The following SCD5 variants were observed in gnomAD, a reference collection of about 807,000 sequenced individuals.
SCD5 encodes the protein acyl-CoA-desaturase 4.
SCD5 carries 20 observed loss-of-function variants against 30.4 expected under a neutral mutation model. The observed-to-expected ratio is 0.66, with a 90% CI of 0.46 to 0.96. SCD5 has a LOEUF of 0.96. SCD5 is among the 40% of genes least tolerant of loss of function. The probability of loss-of-function intolerance (pLI) is 0.00; values close to 1 mark genes in which losing one functional copy is unlikely to be tolerated. For missense variants in SCD5, 381 were observed against 443.3 expected, an observed-to-expected ratio of 0.86 and a Z score of 1.26; for synonymous variants, 173 against 176.4, an observed-to-expected ratio of 0.98 and a Z score of 0.16.
intron 1 of SCD5, among the ~76,000 whole-genome samples, chr4:82,732,908 C>T: frequency 6.6e-6 from 1 of 152,108 alleles, no homozygotes; most frequent in Non-Finnish European, 1.5e-5. Context: ...ATTGGCACCA[C>T]CTGGAACTTG....
At chr4:82,796,973 G>C (rs1439105734) in intron 1 of SCD5, among the ~76,000 whole-genome samples, 1 of 152,134 alleles carries the variant, frequency 6.6e-6, no homozygotes, top group Non-Finnish European at 1.5e-5. Flanking sequence ...GACTTTAAAG[G>C]CTTTAGGGAT....
chr4:82,774,486 T>C (rs893247116), intron 1 of SCD5, among the ~76,000 whole-genome samples: 28 of 152,318 alleles, frequency 1.8e-4, no homozygotes, highest in African/African-American at 5.5e-4. Flanking sequence ...AATGGGGAGA[T>C]ACAAGTAACT....
intron 1 of SCD5, among the ~76,000 whole-genome samples, chr4:82,751,518 A>G (rs890226678): frequency 2.0e-5 from 3 of 152,256 alleles, no homozygotes; most frequent in African/African-American, 7.2e-5. Flanking sequence ...TATGTACATC[A>G]GTCAGGGAGG....
At chr4:82,666,539 A>AAG (rs907467089) in intron 3 of SCD5, among the ~76,000 whole-genome samples, 7 of 152,148 alleles carry the variant, frequency 4.6e-5, no homozygotes, top group Non-Finnish European at 1.0e-4. Context: ...GAAAGAAAGA[A>AAG]AGAAAATGTC....
chr4:82,797,275 G>A (rs1035834085), intron 1 of SCD5, among the ~76,000 whole-genome samples: 1 of 152,234 alleles, frequency 6.6e-6, no homozygotes, highest in African/African-American at 2.4e-5. Flanking sequence ...TCAGGGAAAC[G>A]GGAGCTGGAA....
intron 3 of SCD5, among the ~76,000 whole-genome samples, chr4:82,646,009 G>A (rs1727627434): frequency 6.6e-6 from 1 of 152,152 alleles, no homozygotes; most frequent in Non-Finnish European, 1.5e-5. Flanking sequence ...TCTTGAGAGT[G>A]AAATCTATTA....
intron 1 of SCD5, among the ~76,000 whole-genome samples, chr4:82,758,155 G>C (rs1721270810): frequency 6.6e-6 from 1 of 152,208 alleles, no homozygotes; most frequent in Non-Finnish European, 1.5e-5. Flanking sequence ...CCTGGGAGAG[G>C]GGGAGGCCCA....
At chr4:82,662,782 C>A (rs1377524568) in intron 3 of SCD5, among the ~76,000 whole-genome samples, 1 of 150,468 alleles carries the variant, frequency 6.6e-6, no homozygotes, top group Admixed American at 6.6e-5. Flanking sequence ...ATCTCTTGAA[C>A]CTGGGAGACG....
chr4:82,732,317 C>T (rs568797407), intron 1 of SCD5, among the ~76,000 whole-genome samples: 3 of 152,226 alleles, frequency 2.0e-5, no homozygotes, highest in East Asian at 1.9e-4. Context: ...CTCGAACTCC[C>T]GACCTCAAGT....
At chr4:82,723,208 A>G (rs1158827876) in intron 1 of SCD5, among the ~76,000 whole-genome samples, 2 of 151,972 alleles carry the variant, frequency 1.3e-5, no homozygotes, top group Admixed American at 6.6e-5. Flanking sequence ...TGGTCCTGGC[A>G]ATTTTTGGCA....
chr4:82,679,238 A>AAG lies in SCD5; in HGVS notation c.569+1467_569+1468dup, dbSNP rs1553915598. Among the ~76,000 whole-genome samples, 8 of 89,016 alleles carry AAG rather than the reference A, an allele frequency of 9.0e-5. 1 individual carries two copies. The South Asian group carries it at 3.2e-3, about 36-fold the overall frequency. The allele number at this position is 89,016 out of a possible 152,430, so 58.4% of individuals were successfully genotyped here. A position where few individuals can be genotyped will look rare whatever the true frequency, so the allele number is the denominator to read the frequency against. ...AAGAAAGAAAAGAAAGAAAGAAAGA[A>AAG]AGAAAGAAAGAAAGAAAGAAAGAAG... On this transcript the variant is annotated intron_variant, in intron 3 of 4. Coordinates refer to ENST00000319540, the MANE Select transcript of SCD5 (RefSeq NM_001037582.3).
At chr4:82,740,307 C>T (rs945484721) in intron 1 of SCD5, among the ~76,000 whole-genome samples, 3 of 152,206 alleles carry the variant, frequency 2.0e-5, no homozygotes, top group Non-Finnish European at 2.9e-5. Context: ...CCCAGCACCT[C>T]GCCTTGCTGT....
intron 4 of SCD5, 31 bp from the exon 5 acceptor site, chr4:82,631,548 C>T: frequency 6.2e-7 from 1 of 1,603,482 alleles, no homozygotes; most frequent in South Asian, 1.1e-5. Flanking sequence ...TGATATAATT[C>T]AATCACCACC....
At chr4:82,749,574 G>A (rs1578051367) in intron 1 of SCD5, among the ~76,000 whole-genome samples, 1 of 152,156 alleles carries the variant, frequency 6.6e-6, no homozygotes, top group Non-Finnish European at 1.5e-5. Flanking sequence ...CACAAGTTGG[G>A]CCAAACAGGC....
intron 1 of SCD5, among the ~76,000 whole-genome samples, chr4:82,789,062 G>A (rs1042748437): frequency 6.6e-6 from 1 of 152,182 alleles, no homozygotes; most frequent in Non-Finnish European, 1.5e-5. Flanking sequence ...ACACAAGTTT[G>A]TAGAAGGCAG....
chr4:82,726,757 A>G (rs1239368821), intron 1 of SCD5, among the ~76,000 whole-genome samples: 1 of 152,182 alleles, frequency 6.6e-6, no homozygotes, highest in Non-Finnish European at 1.5e-5. Flanking sequence ...ACCCCCTGTG[A>G]GGCCACAGTG....
Position 82,661,041 on chromosome 4 carries a change from A to G in SCD5, c.569+19666T>C, listed in dbSNP as rs1727993633. ...GAAGCATCTCACACGCTGCCTCTTG[A>G]TTGAGAGCTCTTCCTTCTTTCTGGA... On this transcript the variant is annotated intron_variant, in intron 3 of 4. Transcript: ENST00000319540. 3.1e-6 allele frequency: 5 copies of G among 1,613,800 alleles called. No homozygotes were observed. The Admixed American group carries it at 8.3e-5, about 27-fold the overall frequency.
At chr4:82,778,868 C>CTT (rs111615476) in intron 1 of SCD5, among the ~76,000 whole-genome samples, 8 of 142,542 alleles carry the variant, frequency 5.6e-5, no homozygotes, top group African/African-American at 1.3e-4. Context: ...ACTAGCTAAT[C>CTT]TTTTTTTTTT....
intron 3 of SCD5, among the ~76,000 whole-genome samples, chr4:82,676,205 G>A (rs948820454): frequency 2.6e-5 from 4 of 152,190 alleles, no homozygotes; most frequent in African/African-American, 4.8e-5. Context: ...AGAGCAGAAC[G>A]ATAAAGGAAT....
Sources: gnomAD v4.1 joint callset for allele counts (sites outside exome capture counted in the v4.1 genomes callset) on GRCh38, gnomAD v4.1.1 for gene constraint, MANE v1.5 for transcripts, NCBI Gene and HGNC (gene_info 2026-07-23, HGNC 2026-07-21) for gene names.